Variants in EPGN observed in about 807,000 individuals in gnomAD.
EPGN encodes epigen.
In EPGN, 21 loss-of-function variants were observed where a neutral mutation model predicts 20.7. The observed-to-expected ratio is 1.01, with a 90% CI of 0.72 to 1.46. The LOEUF (loss-of-function observed/expected upper bound fraction) is 1.46, where lower values mean the gene tolerates loss of function less well. Ranked by LOEUF, EPGN falls within the 40% of genes most tolerant of loss-of-function variation. EPGN has a pLI of 0.00. For synonymous variants in EPGN, 69 were observed against 63.8 expected (o/e 1.08, Z -0.39); for missense variants, 199 against 180.7 (o/e 1.10, Z -0.58).
chr4:74,312,163 A>T (rs775201768), intron 2 of EPGN, 22 bp from the exon 3 acceptor site: 1 of 1,573,938 alleles, frequency 6.4e-7, no homozygotes, highest in East Asian at 2.3e-5. Context: ...TCATTTGCTA[A>T]CATTGTATCT....
chr4:74,313,040 G>GA lies in EPGN; in HGVS notation c.280dup (p.Arg94LysfsTer3), dbSNP rs747041721. The GA allele has an allele frequency of 6.2e-7, 1 of 1,610,370 alleles. No individual in the cohort carries two copies. Among genetic ancestry groups the GA allele is most frequent in the South Asian group, 1.1e-5 (1 of 89,876 alleles). On this transcript the variant is annotated frameshift_variant, in exon 4 of 5. Coordinates refer to ENST00000413830, the MANE Select transcript of EPGN (RefSeq NM_001270989.2). LOFTEE classifies it high-confidence loss of function. Reference sequence around the variant, plus strand: ...AAGGTGTTTTACTGGTTATACTGGAGAAAGGTGTGAGCACTTGACTTTAAC... The same window carrying GA: ...AAGGTGTTTTACTGGTTATACTGGAGAAAAGGTGTGAGCACTTGACTTTAAC...
rs1232672205 is a variant in EPGN, at chr4:74,313,118, G to A, written c.355G>A (p.Gly119Arg). The A allele has an allele frequency of 1.9e-6, 3 of 1,612,536 alleles. No individual in the cohort carries two copies. Among genetic ancestry groups the A allele is most frequent in the East Asian group, 4.5e-5 (2 of 44,750 alleles). Residue 119 changes from glycine to arginine, a missense_variant, in exon 4 of 5, where the codon GGA becomes AGA. Coordinates refer to ENST00000413830, the MANE Select transcript of EPGN (RefSeq NM_001270989.2). ...ATACATTGCAATTGGGATTGGTGTTGGATTACTATTAAGTGGTTTTCTTGT... is the reference window on the plus strand; with the variant it reads ...ATACATTGCAATTGGGATTGGTGTTAGATTACTATTAAGTGGTTTTCTTGT... ...EKYIAIGIGV[G>R]LLLSGFLVIF...
Position 74,308,563 on chromosome 4 carries a change from T to C in EPGN, c.30T>C (p.Tyr10=), listed in dbSNP as rs754415961. MALGVPISV[Y]LLFNAMTALT... ...CTTTGGGAGTTCCAATATCAGTCTA[T>C]CTTTTATTCAACGGTAGGTAATTTC... The change falls in exon 1 of 5, where the codon TAT becomes TAC. Residue 10 remains tyrosine (Y), a synonymous_variant. Coordinates refer to ENST00000413830, the MANE Select transcript of EPGN (RefSeq NM_001270989.2). 6.2e-7 allele frequency: 1 copy of C among 1,610,520 alleles called. No individual in the cohort carries two copies. Among genetic ancestry groups the C allele is most frequent in the South Asian group, 1.1e-5 (1 of 90,472 alleles).
In EPGN at chr4:74,315,731, C is replaced by T. The variant is rs1423774905; in HGVS notation, c.*1094C>T. On this transcript the variant is annotated 3_prime_UTR_variant, in exon 5 of 5. Transcript: ENST00000413830. ...CTTTGGGAGGCCGAGGCGGATGGAG[C>T]ACCTGAGGTCAGGAGTTTGAGACCA... Among the ~76,000 whole-genome samples, 3 of 152,086 alleles carry T rather than the reference C, an allele frequency of 2.0e-5. No homozygotes were observed. Among genetic ancestry groups the T allele is most frequent in the African/African-American group, 7.2e-5 (3 of 41,398 alleles).
At chr4:74,312,080 C>T (rs1467956214) in intron 2 of EPGN, 105 bp from the exon 3 acceptor site, 3 of 1,301,208 alleles carry the variant, frequency 2.3e-6, no homozygotes, top group Non-Finnish European at 3.1e-6. Context: ...CACAGCACCA[C>T]CCCCAAATAT....
intron 4 of EPGN, chr4:74,313,552 T>A: frequency 9.4e-7 from 1 of 1,063,322 alleles, no homozygotes; most frequent in Non-Finnish European, 1.1e-6. Flanking sequence ...AGTAAATATT[T>A]GTTGAGTGAA....
At position 74,315,500 on chromosome 4, in the gene EPGN, C is replaced by G. The variant is rs767574774; in HGVS notation, c.*863C>G. On this transcript the variant is annotated 3_prime_UTR_variant, in exon 5 of 5. Coordinates refer to ENST00000413830, the MANE Select transcript of EPGN (RefSeq NM_001270989.2). ...TGGAAGTCTCCTACTGAATAAAAGT[C>G]TACAATTGGCCCTAAAATAGAAACT... is the stretch of plus-strand genomic sequence containing the variant. Among the ~76,000 whole-genome samples the G allele has an allele frequency of 1.3e-5, 2 of 152,150 alleles. No homozygotes were observed. Among genetic ancestry groups the G allele is most frequent in the Non-Finnish European group, 2.9e-5 (2 of 68,018 alleles).
In EPGN at chr4:74,314,719, C is replaced by A. The variant is rs542858702; in HGVS notation, c.*82C>A. ...AAAGTTTTCAGATGAAACAACAAAA[C>A]TTGTCAAGCTGACTAGACTCGAAAA... On this transcript the variant is annotated 3_prime_UTR_variant, in exon 5 of 5. Coordinates refer to ENST00000413830, the MANE Select transcript of EPGN (RefSeq NM_001270989.2). 2.0e-3 allele frequency: 2,501 copies of A among 1,245,342 alleles called. 46 individuals carry two copies. The African/African-American group carries it at 0.033, about 17-fold the overall frequency. 77.1% of individuals were successfully genotyped at this position (1,245,342 alleles called of 1,614,324 possible).
intron 3 of EPGN, 84 bp from the exon 4 acceptor site, chr4:74,312,934 T>C: frequency 8.7e-7 from 1 of 1,155,258 alleles, no homozygotes; most frequent in Non-Finnish European, 1.2e-6. Context: ...TATTTCCATT[T>C]ATTTTTTTAA....
At position 74,315,942 on chromosome 4, in the gene EPGN, A is replaced by G. The variant is rs1008785214; in HGVS notation, c.*1305A>G. ...ACTCCAACCTGGGTGACAAGAGCGA[A>G]ACTCCATCTCAAAAAAAAAAAAAAA... On this transcript the variant is annotated 3_prime_UTR_variant, in exon 5 of 5. Coordinates refer to ENST00000413830, the MANE Select transcript of EPGN (RefSeq NM_001270989.2). Among the ~76,000 whole-genome samples, 3 of 148,304 alleles carry G rather than the reference A, an allele frequency of 2.0e-5. No homozygotes were observed. Among genetic ancestry groups the G allele is most frequent in the Admixed American group, 1.3e-4 (2 of 15,090 alleles).
Position 74,310,910 on chromosome 4 carries a change from G to A in EPGN, c.134-1275G>A, listed in dbSNP as rs980948376. On this transcript the variant is annotated intron_variant, in intron 2 of 4. Coordinates refer to ENST00000413830, the MANE Select transcript of EPGN (RefSeq NM_001270989.2). ...AAGTCAGTACATGTTATGTACAGATGCTTTTTTTTCAAATATTTTCCCTAT... is the reference window on the plus strand; with the variant it reads ...AAGTCAGTACATGTTATGTACAGATACTTTTTTTTCAAATATTTTCCCTAT... Among the ~76,000 whole-genome samples the A allele has an allele frequency of 9.2e-5, 14 of 152,046 alleles. No individual in the cohort carries two copies. The South Asian group carries it at 2.9e-3, about 31-fold the overall frequency.
At chr4:74,311,884 G>A (rs1750978249) in intron 2 of EPGN, among the ~76,000 whole-genome samples, 2 of 152,152 alleles carry the variant, frequency 1.3e-5, no homozygotes, top group African/African-American at 4.8e-5. Context: ...GCTAAGACTA[G>A]AACCAATGCT....
chr4:74,312,819 A>G (rs1452769240), intron 3 of EPGN, among the ~76,000 whole-genome samples, 199 bp from the exon 4 acceptor site: 1 of 152,166 alleles, frequency 6.6e-6, no homozygotes, highest in East Asian at 1.9e-4. Flanking sequence ...CTACTAATGA[A>G]GGGAAAATAT....
intron 2 of EPGN, 86 bp downstream of exon 2, chr4:74,309,268 A>G: frequency 1.1e-6 from 1 of 910,224 alleles, no homozygotes; most frequent in Non-Finnish European, 1.7e-6. Context: ...AATATTGGCC[A>G]TTTTTAATAT....
intron 1 of EPGN, 40 bp downstream of exon 1, chr4:74,308,616 G>A: frequency 6.5e-7 from 1 of 1,533,852 alleles, no homozygotes; most frequent in Non-Finnish European, 8.9e-7. Context: ...TTATATCAGT[G>A]TAAAATGTGA....
chr4:74,310,325 G>T (rs1410240950), intron 2 of EPGN, among the ~76,000 whole-genome samples: 1 of 151,806 alleles, frequency 6.6e-6, no homozygotes, highest in East Asian at 1.9e-4. Context: ...AGCTGGACGT[G>T]GTGGCGCATG....
At chr4:74,310,697 C>T (rs1402767343) in intron 2 of EPGN, among the ~76,000 whole-genome samples, 2 of 152,090 alleles carry the variant, frequency 1.3e-5, no homozygotes, top group African/African-American at 4.8e-5. Flanking sequence ...ACCTCCTCCT[C>T]CTGCCCAGAG....
chr4:74,309,051 A>T (rs1256169769), intron 1 of EPGN, 42 bp from the exon 2 acceptor site: 1 of 1,404,116 alleles, frequency 7.1e-7, no homozygotes, highest in Non-Finnish European at 1.0e-6. Flanking sequence ...TGTACATAGA[A>T]GGAGGCTCTC....
At position 74,310,854 on chromosome 4, in the gene EPGN, T is replaced by C. The variant is rs376502711; in HGVS notation, c.134-1331T>C. Among the ~76,000 whole-genome samples the C allele has an allele frequency of 3.3e-5, 5 of 152,356 alleles. No individual in the cohort carries two copies. The South Asian group carries it at 1.0e-3, about 32-fold the overall frequency. ...GTAAACGCTATGCAAATAGTTGTTA[T>C]ACTGCATTGTTTAGGGAATAATGAC... On this transcript the variant is annotated intron_variant, in intron 2 of 4. Transcript: ENST00000413830.
Sources: allele counts gnomAD v4.1 joint callset (sites outside exome capture counted in the v4.1 genomes callset), GRCh38; gene constraint gnomAD v4.1.1; transcripts MANE v1.5; gene names NCBI Gene and HGNC (gene_info 2026-07-23, HGNC 2026-07-21).